Variants in ATXN1 observed in about 807,000 individuals in gnomAD.
The protein encoded by ATXN1 is ataxin-1.
ATXN1 carries 8 observed loss-of-function variants against 56.4 expected under a neutral mutation model. The ratio of observed to expected loss-of-function variants is 0.14; its 90% CI spans 0.08 to 0.26. The LOEUF is 0.26. Among genes scored for constraint, ATXN1 ranks in the 10% least tolerant of loss-of-function variants. ATXN1 has a pLI of 1.00. For synonymous variants in ATXN1, 514 were observed against 494.6 expected (o/e 1.04, Z -0.52); for missense variants, 987 against 1,106.5 (o/e 0.89, Z 1.53).
At chr6:16,728,880 C>A (rs992139128) in intron 2 of ATXN1, among the ~76,000 whole-genome samples, 1 of 152,146 alleles carries the variant, frequency 6.6e-6, no homozygotes, top group African/African-American at 2.4e-5. Context: ...CATTCCCTTC[C>A]CCGTCACCCA....
chr6:16,493,085 T>C (rs537532155), intron 5 of ATXN1, among the ~76,000 whole-genome samples: 61 of 152,262 alleles, frequency 4.0e-4, no homozygotes, highest in Non-Finnish European at 8.5e-4. Context: ...TGTCAATGCT[T>C]TCTCTCTCTA....
At chr6:16,703,681 A>G (rs937651923) in intron 2 of ATXN1, among the ~76,000 whole-genome samples, 3 of 152,208 alleles carry the variant, frequency 2.0e-5, no homozygotes, top group Admixed American at 1.3e-4. Context: ...TAAATAGTAC[A>G]TCTATGGTGA....
intron 5 of ATXN1, among the ~76,000 whole-genome samples, chr6:16,496,922 G>C (rs1760791237): frequency 6.6e-6 from 1 of 152,096 alleles, no homozygotes; most frequent in South Asian, 2.1e-4. Context: ...TGCAGATTTA[G>C]GGGTTTATCC....
rs1447590828 is a variant in ATXN1 at position 16,506,828 on chromosome 6, A to G, written c.-299+15799T>C. Among the ~76,000 whole-genome samples the G allele has an allele frequency of 6.6e-6, 1 of 152,158 alleles. No individual in the cohort carries two copies. The highest frequency in any genetic ancestry group is 1.5e-5 in the Non-Finnish European group (1 of 68,024). On this transcript the variant is annotated intron_variant, in intron 5 of 7. Transcript: ENST00000436367. This position sits in a 1 kb window ranked among gnomAD's most constrained non-coding sequence, Gnocchi z 4.1. ...ACCTAATTCTCTTCTACCCTAAGGG[A>G]GTAAAGGGCATGCCAATGATTATTG...
chr6:16,524,923 G>A (rs1761362225), intron 4 of ATXN1, among the ~76,000 whole-genome samples: 1 of 152,168 alleles, frequency 6.6e-6, no homozygotes, highest in African/African-American at 2.4e-5. Context: ...ATGGTGGCAT[G>A]CACCTGTAAT....
At chr6:16,654,559 AAAAAAAAGAGAG>A (rs772962637) in intron 3 of ATXN1, among the ~76,000 whole-genome samples, 1 of 92,392 alleles carries the variant, frequency 1.1e-5, no homozygotes, top group South Asian at 3.4e-4. Flanking sequence ...AAAAAAAAAA[AAAAAAAAGAGAG>A]AGAGAGAGAG....
At chr6:16,382,903 A>AG (rs1758160003) in intron 6 of ATXN1, among the ~76,000 whole-genome samples, 1 of 29,412 alleles carries the variant, frequency 3.4e-5, no homozygotes. Flanking sequence ...GGTGAATGGG[A>AG]GGGGGGGAGT....
chr6:16,461,182 T>A (rs1759986694), intron 6 of ATXN1, among the ~76,000 whole-genome samples: 2 of 152,136 alleles, frequency 1.3e-5, no homozygotes, highest in African/African-American at 4.8e-5. Flanking sequence ...GGACCCATGG[T>A]ATGGAACAAC....
chr6:16,364,454 C>T (rs1351327336), intron 6 of ATXN1, among the ~76,000 whole-genome samples: 1 of 152,156 alleles, frequency 6.6e-6, no homozygotes, highest in African/African-American at 2.4e-5. Context: ...CAGGCACCCG[C>T]CACCACGCCT....
intron 2 of ATXN1, among the ~76,000 whole-genome samples, chr6:16,723,533 C>T (rs1759787965): frequency 6.6e-6 from 1 of 152,022 alleles, no homozygotes; most frequent in Non-Finnish European, 1.5e-5. Context: ...TTGGATAAAC[C>T]TTTTATTTAT....
At chr6:16,673,797 G>C (rs1758597372) in intron 2 of ATXN1, among the ~76,000 whole-genome samples, 1 of 152,128 alleles carries the variant, frequency 6.6e-6, no homozygotes, top group Non-Finnish European at 1.5e-5. Context: ...GATTACAGGT[G>C]TGAGCCAATG....
At chr6:16,712,191 G>C (rs1759538532) in intron 2 of ATXN1, among the ~76,000 whole-genome samples, 1 of 152,124 alleles carries the variant, frequency 6.6e-6, no homozygotes, top group African/African-American at 2.4e-5. Context: ...AAGATGTGTT[G>C]ATTTCACTGT....
At chr6:16,421,857 T>C (rs575112810) in intron 6 of ATXN1, among the ~76,000 whole-genome samples, 1 of 152,238 alleles carries the variant, frequency 6.6e-6, no homozygotes, top group South Asian at 2.1e-4. Context: ...CATGTATATG[T>C]ACACTGCAGG....
chr6:16,746,158 G>A (rs1287987056), intron 2 of ATXN1, among the ~76,000 whole-genome samples: 7 of 152,120 alleles, frequency 4.6e-5, no homozygotes, highest in Admixed American at 4.6e-4. Flanking sequence ...AGAGCCAGAA[G>A]GATTCAAGCC....
chr6:16,379,426 A>G (rs1581724465), intron 6 of ATXN1, among the ~76,000 whole-genome samples: 1 of 152,234 alleles, frequency 6.6e-6, no homozygotes, highest in East Asian at 1.9e-4. Flanking sequence ...AAAAATTTTA[A>G]GAAGTTATTA....
rs963930845 is a variant in ATXN1 at position 16,405,677 on chromosome 6, T to C, written c.-160-77207A>G. 3.3e-5 allele frequency among the ~76,000 whole-genome samples: 5 copies of C among 152,316 alleles called. No homozygotes were observed. In the East Asian group the frequency reaches 9.6e-4, roughly 29 times the overall value. Reference sequence around the variant, plus strand: ...GCATCCAAATTCCTGGTTGCTGTGGTTGGCTGGAGGAGTCTACAACCCCAA... The same window carrying C: ...GCATCCAAATTCCTGGTTGCTGTGGCTGGCTGGAGGAGTCTACAACCCCAA... On this transcript the variant is annotated intron_variant, in intron 6 of 7. Transcript: ENST00000436367.
chr6:16,473,696 A>T (rs1295730503), intron 6 of ATXN1, among the ~76,000 whole-genome samples: 1 of 152,182 alleles, frequency 6.6e-6, no homozygotes. Context: ...CGAGGTGAGG[A>T]ACACTGGTGG....
At chr6:16,729,721 G>A (rs1759926232) in intron 2 of ATXN1, among the ~76,000 whole-genome samples, 1 of 152,116 alleles carries the variant, frequency 6.6e-6, no homozygotes, top group Non-Finnish European at 1.5e-5. Context: ...GATGCTTTGG[G>A]TGCCACTAAC....
At chr6:16,594,054 A>G (rs1762770924) in intron 3 of ATXN1, among the ~76,000 whole-genome samples, 1 of 149,254 alleles carries the variant, frequency 6.7e-6, no homozygotes, top group African/African-American at 2.4e-5. Flanking sequence ...TATTAGTTCA[A>G]TTATTATATA....
Sources: allele counts gnomAD v4.1 joint callset (sites outside exome capture counted in the v4.1 genomes callset), GRCh38; gene constraint gnomAD v4.1.1; non-coding constraint Gnocchi (gnomAD v3.1); transcripts MANE v1.5; gene names NCBI Gene and HGNC (gene_info 2026-07-23, HGNC 2026-07-21).